Variants in PHF20 observed in about 807,000 individuals in gnomAD.
PHF20 encodes PHD finger protein 20, also known as glioma-expressed antigen 2.
PHF20 carries 23 observed loss-of-function variants against 113.5 expected under a neutral mutation model. That is an observed-to-expected ratio of 0.20 (90% CI 0.15 to 0.29). PHF20 has a LOEUF of 0.29. Ranked by LOEUF, PHF20 falls within the 10% of genes least tolerant of loss-of-function variation. The pLI is 1.00. For synonymous variants in PHF20, 434 were observed against 457.3 expected, an observed-to-expected ratio of 0.95 and a Z score of 0.65; for missense variants, 943 against 1,219.6, an observed-to-expected ratio of 0.77 and a Z score of 3.38.
chr20:35,850,300 T>TTTTTTTTTTG lies in PHF20; in HGVS notation c.340+2875_340+2876insGTTTTTTTTT, dbSNP rs2042697995. ...GGCTGCTTAGCTTCCCCCTCCGTTT[T>TTTTTTTTTTG]TTTTTTTTTTTTTTTTTTTTTTTTT... is the stretch of plus-strand genomic sequence containing the variant. On this transcript the variant is annotated intron_variant, in intron 4 of 17. Coordinates refer to ENST00000374012, the MANE Select transcript of PHF20 (RefSeq NM_016436.5). Among the ~76,000 whole-genome samples, 7 of 98,582 alleles carry TTTTTTTTTTG rather than the reference T, an allele frequency of 7.1e-5. No homozygotes were observed. The South Asian group carries it at 1.5e-3, about 22-fold the overall frequency. 64.7% of individuals were successfully genotyped at this position (98,582 alleles called of 152,430 possible).
intron 1 of PHF20, among the ~76,000 whole-genome samples, chr20:35,774,315 C>CCCGCCT (rs2041129368): frequency 6.6e-6 from 1 of 152,134 alleles, no homozygotes; most frequent in Non-Finnish European, 1.5e-5. Flanking sequence ...TCGTGATCCA[C>CCCGCCT]CCGCCTCCGC....
intron 5 of PHF20, 61 bp from the exon 6 acceptor site, chr20:35,862,952 C>G: frequency 6.8e-7 from 1 of 1,465,076 alleles, no homozygotes; most frequent in Non-Finnish European, 9.2e-7. Context: ...TTGTAAGAAA[C>G]TCCTAATTTT....
At chr20:35,865,812 A>G (rs2054310031) in intron 6 of PHF20, among the ~76,000 whole-genome samples, 3 of 151,796 alleles carry the variant, frequency 2.0e-5, no homozygotes, top group Non-Finnish European at 4.4e-5. Flanking sequence ...TAAAAACCAA[A>G]CCCTCTTATG....
intron 2 of PHF20, among the ~76,000 whole-genome samples, chr20:35,808,658 T>C (rs1198325414): frequency 6.6e-6 from 1 of 152,020 alleles, no homozygotes; most frequent in East Asian, 1.9e-4. Flanking sequence ...CTGCAAGCTC[T>C]GACTCCTGGG....
intron 2 of PHF20, among the ~76,000 whole-genome samples, chr20:35,804,328 G>C (rs1392559357): frequency 6.6e-6 from 1 of 151,094 alleles, no homozygotes; most frequent in East Asian, 1.9e-4. Context: ...CTGCCTCCTG[G>C]GTTCACGCCA....
intron 1 of PHF20, among the ~76,000 whole-genome samples, chr20:35,782,771 C>T (rs1405525319): frequency 6.6e-6 from 1 of 152,212 alleles, no homozygotes; most frequent in African/African-American, 2.4e-5. Flanking sequence ...TCCAGCCTAG[C>T]AAGTTACTTA....
chr20:35,924,192 C>CTTTTTTTTT (rs767943006), intron 13 of PHF20, among the ~76,000 whole-genome samples: 3 of 129,906 alleles, frequency 2.3e-5, no homozygotes, highest in South Asian at 4.9e-4. Context: ...CTTTTCTTTT[C>CTTTTTTTTT]TTTTTTTTTT....
intron 2 of PHF20, among the ~76,000 whole-genome samples, chr20:35,828,965 G>A (rs567357728): frequency 7.8e-4 from 119 of 152,304 alleles, no homozygotes; most frequent in Non-Finnish European, 1.3e-3. Flanking sequence ...TATGGGCCAG[G>A]AATTCAGGAG....
intron 3 of PHF20, among the ~76,000 whole-genome samples, chr20:35,844,523 C>T (rs938982272): frequency 5.5e-5 from 8 of 144,456 alleles, no homozygotes; most frequent in Non-Finnish European, 1.2e-4. Flanking sequence ...CTGAGAATCT[C>T]CCATTTTTCT....
chr20:35,875,734 A>G (rs971662846), intron 9 of PHF20, among the ~76,000 whole-genome samples: 2 of 152,274 alleles, frequency 1.3e-5, no homozygotes, highest in Admixed American at 6.5e-5. Flanking sequence ...TAAGCTTTTA[A>G]TTATGTTGTC....
rs1195815546 is a variant in PHF20, at chr20:35,788,078, C to T, written c.-32-13413C>T. Among the ~76,000 whole-genome samples the T allele has an allele frequency of 2.0e-5, 3 of 147,884 alleles. No individual in the cohort carries two copies. The South Asian group carries it at 6.5e-4, about 32-fold the overall frequency. Reference sequence around the variant, plus strand: ...CAGGTGTGAGCTACCTAGCGCAGCTCTATATTTTTATTTATTTGTTTATTT... The same window carrying T: ...CAGGTGTGAGCTACCTAGCGCAGCTTTATATTTTTATTTATTTGTTTATTT... On this transcript the variant is annotated intron_variant, in intron 1 of 17. Transcript: ENST00000374012.
At chr20:35,865,902 C>T (rs574201203) in intron 6 of PHF20, among the ~76,000 whole-genome samples, 30 of 152,138 alleles carry the variant, frequency 2.0e-4, no homozygotes, top group African/African-American at 5.5e-4. Flanking sequence ...GGTGAAATCC[C>T]GTCTCCACTA....
chr20:35,882,950 C>T (rs1361736756), intron 9 of PHF20, among the ~76,000 whole-genome samples: 1 of 148,200 alleles, frequency 6.7e-6, no homozygotes, highest in Non-Finnish European at 1.5e-5. Flanking sequence ...ATTGCTTGAG[C>T]GTGGGAGGCG....
intron 1 of PHF20, among the ~76,000 whole-genome samples, chr20:35,780,386 C>T (rs535284130): frequency 1.7e-3 from 262 of 150,786 alleles, no homozygotes; most frequent in African/African-American, 5.9e-3. Context: ...CCACGATGCC[C>T]GGCTAATTTT....
At chr20:35,815,437 G>A (rs1456332433) in intron 2 of PHF20, among the ~76,000 whole-genome samples, 1 of 151,904 alleles carries the variant, frequency 6.6e-6, no homozygotes, top group Non-Finnish European at 1.5e-5. Context: ...AAATTAGCTG[G>A]ACATTGTGGC....
rs1365764108 is a variant in PHF20, at chr20:35,947,631, T to C, written c.*4T>C. 2 of 1,612,378 alleles carry C rather than the reference T, an allele frequency of 1.2e-6. No homozygotes were observed. Among genetic ancestry groups the C allele is most frequent in the South Asian group, 2.2e-5 (2 of 91,032 alleles). ...CGCCCTCTGCTGCTCAACATGAAACTGGGCACCCAAAACTCATGGGGGCAC... is the reference window on the plus strand; with the variant it reads ...CGCCCTCTGCTGCTCAACATGAAACCGGGCACCCAAAACTCATGGGGGCAC... On this transcript the variant is annotated 3_prime_UTR_variant, in exon 18 of 18. Transcript: ENST00000374012.
chr20:35,780,050 G>A (rs991331476), intron 1 of PHF20, among the ~76,000 whole-genome samples: 2 of 152,078 alleles, frequency 1.3e-5, no homozygotes, highest in Admixed American at 6.6e-5. Context: ...GCAGGGCCTC[G>A]ATTGGAGTCC....
chr20:35,914,020 C>T lies in PHF20; in HGVS notation c.1661-13C>T. ...CTAGGGTTATTCATTCCTTCCTGAT[C>T]CTGTTCTTCCAGAATGCCCCTGCAG... is the stretch of plus-strand genomic sequence containing the variant. On this transcript the variant is annotated splice_polypyrimidine_tract_variant and intron_variant, in intron 11 of 17. Transcript: ENST00000374012. 6.2e-7 allele frequency: 1 copy of T among 1,613,558 alleles called. No individual in the cohort carries two copies. The highest frequency in any genetic ancestry group is 1.1e-5 in the South Asian group (1 of 91,062).
chr20:35,832,024 C>A (rs776048173), intron 2 of PHF20, among the ~76,000 whole-genome samples: 5 of 152,172 alleles, frequency 3.3e-5, no homozygotes, highest in Non-Finnish European at 7.4e-5. Context: ...ATCCTCCTGG[C>A]CCCTCAAACG....
Sources: gnomAD v4.1 joint callset for allele counts (sites outside exome capture counted in the v4.1 genomes callset) on GRCh38, gnomAD v4.1.1 for gene constraint, MANE v1.5 for transcripts, NCBI Gene and HGNC (gene_info 2026-07-23, HGNC 2026-07-21) for gene names.